SLC25A26: variants seen among roughly 807,000 people sequenced by gnomAD.
SLC25A26 encodes the protein mitochondrial S-adenosylmethionine carrier protein.
A neutral mutation model predicts 37.8 loss-of-function variants in SLC25A26; 36 were observed. The ratio of observed to expected loss-of-function variants is 0.95; its 90% confidence interval spans 0.73 to 1.26. SLC25A26 has a LOEUF of 1.26. SLC25A26 is among the 50% of genes most tolerant of loss of function. SLC25A26 has a pLI of 0.00. For synonymous variants in SLC25A26, 129 were observed against 122.5 expected (o/e 1.05, Z -0.35); for missense variants, 390 against 331.1 (o/e 1.18, Z -1.38).
At chr3:66,237,376 G>T (rs947840159) in intron 2 of SLC25A26, among the ~76,000 whole-genome samples, 1 of 152,254 alleles carries the variant, frequency 6.6e-6, no homozygotes, top group Non-Finnish European at 1.5e-5. Flanking sequence ...CATCCTAGAA[G>T]TTTAATTGGT....
At chr3:66,250,335 C>G (rs1337284529) in intron 3 of SLC25A26, among the ~76,000 whole-genome samples, 1 of 152,202 alleles carries the variant, frequency 6.6e-6, no homozygotes, top group Non-Finnish European at 1.5e-5. Context: ...CTTTTAGAGG[C>G]TTGCTGTAAG....
chr3:66,202,152 C>CAT (rs1375112189), intron 1 of SLC25A26, among the ~76,000 whole-genome samples: 1 of 152,028 alleles, frequency 6.6e-6, no homozygotes, highest in Non-Finnish European at 1.5e-5. Flanking sequence ...GAAAATGTGG[C>CAT]ATATATATAC....
At chr3:66,176,893 A>C (rs1426523041) in intron 1 of SLC25A26, among the ~76,000 whole-genome samples, 1 of 152,220 alleles carries the variant, frequency 6.6e-6, no homozygotes, top group Non-Finnish European at 1.5e-5. Flanking sequence ...CAGAGACAGC[A>C]TGAAAGGGTA....
chr3:66,365,427 G>A (rs755306634), intron 7 of SLC25A26, among the ~76,000 whole-genome samples: 1 of 152,162 alleles, frequency 6.6e-6, no homozygotes, highest in Non-Finnish European at 1.5e-5. Flanking sequence ...GCTTCTGGTC[G>A]GGGTGAAACT....
chr3:66,334,042 A>G (rs1486894516), intron 5 of SLC25A26, among the ~76,000 whole-genome samples: 1 of 152,152 alleles, frequency 6.6e-6, no homozygotes, highest in African/African-American at 2.4e-5. Flanking sequence ...TTATGTTTTC[A>G]TTCCCTTAAC....
chr3:66,184,756 T>C (rs2070793609), intron 1 of SLC25A26, among the ~76,000 whole-genome samples: 1 of 152,078 alleles, frequency 6.6e-6, no homozygotes, highest in Admixed American at 6.5e-5. Context: ...GACTCTGATA[T>C]CATGCTGACA....
At chr3:66,300,259 T>TTTTG (rs2075037651) in intron 5 of SLC25A26, among the ~76,000 whole-genome samples, 2 of 143,996 alleles carry the variant, frequency 1.4e-5, no homozygotes, top group Non-Finnish European at 3.0e-5. Flanking sequence ...TTGTTTTGTT[T>TTTTG]TTTTTTTTTT....
At chr3:66,159,325 G>A (rs1471550217) in intron 1 of SLC25A26, among the ~76,000 whole-genome samples, 1 of 152,182 alleles carries the variant, frequency 6.6e-6, no homozygotes, top group East Asian at 1.9e-4. Flanking sequence ...GAAGAAAGGG[G>A]TGATATACTC....
At position 66,362,706 on chromosome 3, in the gene SLC25A26, T is replaced by A. The variant is rs332386; in HGVS notation, c.499-154T>A. On this transcript the variant is annotated intron_variant, in intron 6 of 9. Transcript: ENST00000354883. ...ATTTCTGTGACTTATTTTAGAAAGCTGTTAAGTCTTTGGGAAAGTCACTTA... is the reference window on the plus strand; with the variant it reads ...ATTTCTGTGACTTATTTTAGAAAGCAGTTAAGTCTTTGGGAAAGTCACTTA... The A allele has an allele frequency of 0.54, 83,837 of 155,850 alleles. 24,777 individuals carry two copies. Among genetic ancestry groups the A allele is most frequent in the African/African-American group, 0.79 (32,764 of 41,598 alleles). 9.7% of individuals were successfully genotyped at this position (155,850 alleles called of 1,614,324 possible). A position where few individuals can be genotyped will look rare whatever the true frequency, so the allele number is the denominator to read the frequency against.
intron 3 of SLC25A26, among the ~76,000 whole-genome samples, chr3:66,250,224 C>G (rs1013081904): frequency 1.3e-5 from 2 of 152,092 alleles, no homozygotes; most frequent in African/African-American, 4.8e-5. Flanking sequence ...TCTTAGATTC[C>G]TTCACCACTT....
At chr3:66,249,711 T>A (rs1411516105) in intron 3 of SLC25A26, among the ~76,000 whole-genome samples, 1 of 152,204 alleles carries the variant, frequency 6.6e-6, no homozygotes, top group Non-Finnish European at 1.5e-5. Flanking sequence ...TTTTGCCACA[T>A]CTCTGCACAG....
chr3:66,218,402 T>C (rs1325668096), upstream of SLC25A26, among the ~76,000 whole-genome samples: 3 of 152,236 alleles, frequency 2.0e-5, no homozygotes, highest in Admixed American at 6.5e-5. Flanking sequence ...GAAACAGCAA[T>C]GTATGAGATT....
At chr3:66,150,634 A>C (rs1358571974) in intron 1 of SLC25A26, among the ~76,000 whole-genome samples, 15 of 87,536 alleles carry the variant, frequency 1.7e-4, no homozygotes, top group African/African-American at 6.9e-4. Flanking sequence ...ATATATATAT[A>C]TATATATATA....
chr3:66,274,432 G>A (rs1227311284), intron 5 of SLC25A26, among the ~76,000 whole-genome samples: 1 of 152,004 alleles, frequency 6.6e-6, no homozygotes. Context: ...CTTCTGCACA[G>A]CAAAAGAAAC....
At chr3:66,316,738 T>A (rs527581864) in intron 5 of SLC25A26, among the ~76,000 whole-genome samples, 43 of 152,330 alleles carry the variant, frequency 2.8e-4, no homozygotes, top group Admixed American at 2.6e-3. Flanking sequence ...ATTCTCCTTG[T>A]CTCTTTCAGG....
chr3:66,163,198 A>G (rs1284628983), intron 1 of SLC25A26, among the ~76,000 whole-genome samples: 1 of 152,228 alleles, frequency 6.6e-6, no homozygotes, highest in Non-Finnish European at 1.5e-5. Context: ...GTGAAGTTGA[A>G]TGAGAAAACC....
At chr3:66,161,161 TAAAAA>T (rs367585131) in intron 1 of SLC25A26, among the ~76,000 whole-genome samples, 1 of 140,044 alleles carries the variant, frequency 7.1e-6, no homozygotes, top group African/African-American at 2.6e-5. Flanking sequence ...GTTGTTGTTG[TAAAAA>T]AAAAAAAAAA....
At chr3:66,188,566 C>T (rs2070874476) in intron 1 of SLC25A26, among the ~76,000 whole-genome samples, 1 of 152,160 alleles carries the variant, frequency 6.6e-6, no homozygotes, top group South Asian at 2.1e-4. Context: ...GCACATGTGA[C>T]TCCCCTTTGC....
At chr3:66,229,667 C>T (rs191224673) in intron 1 of SLC25A26, among the ~76,000 whole-genome samples, 31 of 152,286 alleles carry the variant, frequency 2.0e-4, no homozygotes, top group African/African-American at 7.2e-4. Context: ...TATACATGAC[C>T]CTGTCTCAGG....
Sources: allele counts gnomAD v4.1 joint callset (sites outside exome capture counted in the v4.1 genomes callset), GRCh38; gene constraint gnomAD v4.1.1; transcripts MANE v1.5; gene names NCBI Gene and HGNC (gene_info 2026-07-23, HGNC 2026-07-21).